Variants in POU2F1 observed in about 807,000 individuals in gnomAD.
POU2F1 encodes POU class 2 homeobox 1.
POU2F1 carries 16 observed loss-of-function variants against 84.9 expected under a neutral mutation model. The observed-to-expected ratio is 0.19, with a 90% CI of 0.13 to 0.29. POU2F1 has a LOEUF of 0.29. Ranked by LOEUF, POU2F1 falls within the 10% of genes least tolerant of loss-of-function variation. POU2F1 has a pLI of 1.00. For missense variants in POU2F1, 738 were observed against 942.6 expected (o/e 0.78, Z 2.84); for synonymous variants, 368 against 368.3 (o/e 1.00, Z 0.01).
chr1:167,387,443 C>T lies in POU2F1; in HGVS notation c.814-2145C>T, dbSNP rs12127704. 1.7e-3 allele frequency among the ~76,000 whole-genome samples: 266 copies of T among 152,254 alleles called. 1 individual carries two copies. The highest frequency in any genetic ancestry group is 3.3e-3 in the South Asian group (16 of 4,830). On this transcript the variant is annotated intron_variant, in intron 8 of 15. Coordinates refer to ENST00000367866, the MANE Select transcript of POU2F1 (RefSeq NM_002697.4). ...TCCAAAATGGTCAGGTTGAAAATTA[C>T]GCAGTGTCAGCATGACATAGAAATG...
chr1:167,397,860 A>C, intron 10 of POU2F1, 134 bp from the exon 11 acceptor site: 1 of 922,646 alleles, frequency 1.1e-6, no homozygotes, highest in Non-Finnish European at 1.6e-6. Context: ...GCAATATTGT[A>C]ATGTAGGTTA....
At chr1:167,400,133 C>T (rs1401944901) in intron 12 of POU2F1, among the ~76,000 whole-genome samples, 5 of 151,062 alleles carry the variant, frequency 3.3e-5, no homozygotes, top group Admixed American at 6.6e-5. Context: ...TACAGGCGCC[C>T]GCCACCAGAC....
At chr1:167,241,156 A>G (rs1053751960) in intron 1 of POU2F1, among the ~76,000 whole-genome samples, 7 of 152,102 alleles carry the variant, frequency 4.6e-5, no homozygotes, top group African/African-American at 1.7e-4. Context: ...ATAAATAAAT[A>G]AATAAATAAA....
At chr1:167,356,684 C>T (rs1183106268) in intron 2 of POU2F1, among the ~76,000 whole-genome samples, 1 of 152,130 alleles carries the variant, frequency 6.6e-6, no homozygotes, top group African/African-American at 2.4e-5. Flanking sequence ...AGTTTCAGAG[C>T]ATGGGTGGAA....
rs553465603 is a variant in POU2F1 at position 167,419,092 on chromosome 1, T to A, written c.*3282T>A. ...TCGTATTGCTTCATGAACACCTTAG[T>A]CATTTTTTACTTTACGTATATATTT... On this transcript the variant is annotated 3_prime_UTR_variant, in exon 16 of 16. Transcript: ENST00000367866. 2 of 152,330 alleles carry A rather than the reference T, an allele frequency of 1.3e-5. No individual in the cohort carries two copies. Among genetic ancestry groups the A allele is most frequent in the African/African-American group, 4.8e-5 (2 of 41,580 alleles). 9.4% of individuals were successfully genotyped at this position (152,330 alleles called of 1,614,324 possible). A position where few individuals can be genotyped will look rare whatever the true frequency, so the allele number is the denominator to read the frequency against.
intron 1 of POU2F1, among the ~76,000 whole-genome samples, chr1:167,287,614 CTT>C (rs1653626053): frequency 6.6e-6 from 1 of 152,176 alleles, no homozygotes. Flanking sequence ...CTCTGAGTCT[CTT>C]TTCTCTGAGA....
chr1:167,386,292 T>A (rs1260690531), intron 8 of POU2F1, among the ~76,000 whole-genome samples: 1 of 152,164 alleles, frequency 6.6e-6, no homozygotes, highest in African/African-American at 2.4e-5. Flanking sequence ...CCTCCCAAGC[T>A]CAAGCAATCC....
intron 11 of POU2F1, among the ~76,000 whole-genome samples, chr1:167,398,873 A>G (rs1016203814): frequency 2.0e-5 from 3 of 152,210 alleles, no homozygotes; most frequent in Non-Finnish European, 4.4e-5. Flanking sequence ...AGCATGAAGC[A>G]TGGAGAAAGG....
intron 1 of POU2F1, among the ~76,000 whole-genome samples, chr1:167,315,616 A>G (rs927475953): frequency 6.6e-6 from 1 of 151,940 alleles, no homozygotes; most frequent in South Asian, 2.1e-4. Flanking sequence ...TCTCTAAAAA[A>G]AATTGTTTTT....
intron 9 of POU2F1, among the ~76,000 whole-genome samples, chr1:167,393,780 A>G (rs1282213866): frequency 6.6e-6 from 1 of 152,182 alleles, no homozygotes. Context: ...TTTGTAGCTT[A>G]TTGTGCAGTT....
chr1:167,414,385 C>G, intron 15 of POU2F1: 3 of 985,396 alleles, frequency 3.0e-6, no homozygotes, highest in Non-Finnish European at 3.6e-6. Flanking sequence ...AGAAAAACTT[C>G]AAGCTGCACT....
intron 1 of POU2F1, among the ~76,000 whole-genome samples, chr1:167,297,506 G>T (rs139727153): frequency 2.0e-5 from 3 of 152,192 alleles, no homozygotes; most frequent in Non-Finnish European, 1.5e-5. Flanking sequence ...AGTAGTCTCA[G>T]TATTCTCTAT....
intron 1 of POU2F1, among the ~76,000 whole-genome samples, chr1:167,248,044 G>A (rs1449159445): frequency 6.6e-6 from 1 of 152,180 alleles, no homozygotes; most frequent in Non-Finnish European, 1.5e-5. Context: ...TCTTTACAGA[G>A]TATACAGCAG....
chr1:167,366,501 A>C (rs1308104105), intron 3 of POU2F1, among the ~76,000 whole-genome samples: 1 of 152,208 alleles, frequency 6.6e-6, no homozygotes. Flanking sequence ...AAACTATAAA[A>C]GAAATTCTTC....
intron 1 of POU2F1, among the ~76,000 whole-genome samples, chr1:167,265,006 C>G (rs1338182260): frequency 6.6e-6 from 1 of 152,176 alleles, no homozygotes; most frequent in Non-Finnish European, 1.5e-5. Context: ...ACTGGTGAAT[C>G]CATACCAGAC....
rs574594831 is a variant in POU2F1, at chr1:167,290,448, C to T, written c.62-42022C>T. Among the ~76,000 whole-genome samples, 11 of 152,308 alleles carry T rather than the reference C, an allele frequency of 7.2e-5. No homozygotes were observed. The East Asian group carries it at 2.1e-3, about 29-fold the overall frequency. On this transcript the variant is annotated intron_variant, in intron 1 of 15. Coordinates refer to ENST00000367866, the MANE Select transcript of POU2F1 (RefSeq NM_002697.4). ...ATGTTCTCTTTTGTGTTGAGATATG[C>T]ATATGATTATACCCTTTTATCAAAA...
chr1:167,238,934 T>C (rs1372749168), intron 1 of POU2F1, among the ~76,000 whole-genome samples: 1 of 152,204 alleles, frequency 6.6e-6, no homozygotes, highest in East Asian at 1.9e-4. Context: ...CCCTAAACAG[T>C]GCAGGGCACA....
chr1:167,227,741 G>A (rs1648744244), intron 1 of POU2F1, among the ~76,000 whole-genome samples: 1 of 152,120 alleles, frequency 6.6e-6, no homozygotes, highest in African/African-American at 2.4e-5. Flanking sequence ...GAGTTGGTAT[G>A]TTTACTTAAG....
At chr1:167,334,762 G>C (rs1465156247) in intron 2 of POU2F1, among the ~76,000 whole-genome samples, 1 of 152,138 alleles carries the variant, frequency 6.6e-6, no homozygotes, top group Non-Finnish European at 1.5e-5. Context: ...CTTACAAATT[G>C]ATTTTTATTT....
Sources: allele counts gnomAD v4.1 joint callset (sites outside exome capture counted in the v4.1 genomes callset), GRCh38; gene constraint gnomAD v4.1.1; transcripts MANE v1.5; gene names NCBI Gene and HGNC (gene_info 2026-07-23, HGNC 2026-07-21).